ALG12: variants seen among roughly 807,000 people sequenced by gnomAD.
The protein encoded by ALG12 is dol-P-Man:Man(7)GlcNAc(2)-PP-Dol alpha-1,6-mannosyltransferase.
ALG12 carries 36 observed loss-of-function variants against 46.0 expected under a neutral mutation model. The observed-to-expected ratio is 0.78, with a 90% CI of 0.60 to 1.03. ALG12 has a LOEUF of 1.03. Among genes scored for constraint, ALG12 ranks in the 50% least tolerant of loss-of-function variants. The pLI, the probability that ALG12 is intolerant of heterozygous loss-of-function variation, is 0.00. For synonymous variants in ALG12, 326 were observed against 291.6 expected (o/e 1.12, Z -1.20); for missense variants, 599 against 633.5 (o/e 0.95, Z 0.58).
chr22:49,879,370 G>A, the ALG12 span, among the ~76,000 whole-genome samples: 47 of 151,744 alleles, frequency 3.1e-4, no homozygotes, highest in South Asian at 6.9e-3. Context: ...CGGTTGATCC[G>A]TCTGCCTCAT....
chr22:49,907,385 T>A (rs558827504), intron 7 of ALG12, among the ~76,000 whole-genome samples: 1 of 152,226 alleles, frequency 6.6e-6, no homozygotes, highest in Admixed American at 6.5e-5. Flanking sequence ...GTCAGCACAA[T>A]GCCAGGCCGG....
At chr22:49,877,629 A>G in the ALG12 span, among the ~76,000 whole-genome samples, 2 of 152,200 alleles carry the variant, frequency 1.3e-5, no homozygotes, top group East Asian at 1.9e-4. Context: ...TTGATATACA[A>G]TAAACACATA....
chr22:49,870,971 C>A, the ALG12 span, among the ~76,000 whole-genome samples: 1 of 145,966 alleles, frequency 6.9e-6, no homozygotes, highest in Non-Finnish European at 1.5e-5. Flanking sequence ...GATGGAGTCT[C>A]ACTCTGTTAC....
Position 49,903,733 on chromosome 22 carries a change from A to T in ALG12, c.*105T>A. The T allele has an allele frequency of 7.4e-7, 1 of 1,355,902 alleles. No homozygotes were observed. 84.0% of individuals were successfully genotyped at this position (1,355,902 alleles called of 1,614,324 possible). On this transcript the variant is annotated 3_prime_UTR_variant, in exon 10 of 10. Coordinates refer to ENST00000330817, the MANE Select transcript of ALG12 (RefSeq NM_024105.4). ...TCAGAGGCAGGTGCCCAGTCCTTTGACTTGCTTCTCTGAATTGTCATAATT... is the reference window on the plus strand; with the variant it reads ...TCAGAGGCAGGTGCCCAGTCCTTTGTCTTGCTTCTCTGAATTGTCATAATT...
At chr22:49,911,614 T>G (rs1430484869) in intron 3 of ALG12, among the ~76,000 whole-genome samples, 1 of 152,098 alleles carries the variant, frequency 6.6e-6, no homozygotes, top group Non-Finnish European at 1.5e-5. Context: ...TTTGTATTTT[T>G]AGTAGAGACA....
chr22:49,859,434 CCT>C, the ALG12 span, among the ~76,000 whole-genome samples: 2 of 152,056 alleles, frequency 1.3e-5, no homozygotes, highest in African/African-American at 4.8e-5. Flanking sequence ...CAAGCTGGCC[CCT>C]GTGTCCTTTT....
At chr22:49,887,097 C>T in the ALG12 span, 1 of 1,614,134 alleles carries the variant, frequency 6.2e-7, no homozygotes, top group East Asian at 2.2e-5. Flanking sequence ...GTAGCCTTGG[C>T]CAATCCAGGC....
the ALG12 span, among the ~76,000 whole-genome samples, chr22:49,867,863 C>G: frequency 6.6e-6 from 1 of 152,240 alleles, no homozygotes; most frequent in Non-Finnish European, 1.5e-5. Flanking sequence ...TCCAGCCCCC[C>G]TCAAATGTGC....
chr22:49,890,276 T>C, the ALG12 span, among the ~76,000 whole-genome samples: 5 of 152,122 alleles, frequency 3.3e-5, no homozygotes, highest in African/African-American at 1.2e-4. Flanking sequence ...CACTGCACTC[T>C]AGCCTGGACA....
In ALG12 at chr22:49,902,051, TAC is replaced by T. The variant is rs1359420412; in HGVS notation, c.*1785_*1786del. On this transcript the variant is annotated 3_prime_UTR_variant, in exon 10 of 10. Coordinates refer to ENST00000330817, the MANE Select transcript of ALG12 (RefSeq NM_024105.4). ...TGCACTGTGTGTATGCATGGTAACGTACACGTGTGCACTGTGTGTGGTGTGCA... is the reference window on the plus strand; with the variant it reads ...TGCACTGTGTGTATGCATGGTAACGTACGTGTGCACTGTGTGTGGTGTGCA... 1.5e-5 allele frequency: 2 copies of T among 131,090 alleles called. No homozygotes were observed. Among genetic ancestry groups the T allele is most frequent in the South Asian group, 2.4e-4 (1 of 4,212 alleles). The allele number at this position is 131,090 out of a possible 1,614,324, so 8.1% of individuals were successfully genotyped here.
rs768399493 is a variant in ALG12, at chr22:49,904,370, G to C, written c.1129C>G (p.Gln377Glu). 8.7e-6 allele frequency: 14 copies of C among 1,614,210 alleles called. No homozygotes were observed. In the South Asian group the frequency reaches 1.3e-4, roughly 15 times the overall value. ...GGGGGCACCAGCTGGTGCAGCCTCTGCATTGCGACGCCACCTGGGTAGTTG... is the reference window on the plus strand; with the variant it reads ...GGGGGCACCAGCTGGTGCAGCCTCTCCATTGCGACGCCACCTGGGTAGTTG... ...HFNYPGGVAM[Q>E]RLHQLVPPQT... Residue 377 changes from glutamine to glutamate, a missense_variant, in exon 8 of 10, where the codon CAG (glutamine) becomes GAG (glutamate). By Grantham distance (29) the Gln-to-Glu change is conservative. Coordinates refer to ENST00000330817, the MANE Select transcript of ALG12 (RefSeq NM_024105.4).
Position 49,904,494 on chromosome 22 carries a change from A to G in ALG12, c.1005T>C (p.Tyr335=), listed in dbSNP as rs1388764855. The change falls in exon 8 of 10, where the codon TAT becomes TAC. Residue 335 remains tyrosine, a synonymous_variant. Coordinates refer to ENST00000330817, the MANE Select transcript of ALG12 (RefSeq NM_024105.4). ...CCGCTTTGTACAGCCAAGACTTTTT[A>G]TAGTTATTCAGCCTGAAAAAAGAAT... is the stretch of plus-strand genomic sequence containing the variant. ...ARGCSYLLNN[Y]KKSWLYKAGS... The G allele has an allele frequency of 2.5e-6, 4 of 1,614,054 alleles. No individual in the cohort carries two copies. Among genetic ancestry groups the G allele is most frequent in the African/African-American group, 2.7e-5 (2 of 74,924 alleles).
chr22:49,896,812 A>T (rs1003976634), downstream of ALG12, among the ~76,000 whole-genome samples: 12 of 149,340 alleles, frequency 8.0e-5, no homozygotes, highest in African/African-American at 2.7e-4. Context: ...ATTTTTGTAT[A>T]TTTTTTTTTA....
the ALG12 span, among the ~76,000 whole-genome samples, chr22:49,894,757 ATG>A: frequency 1.3e-5 from 2 of 152,262 alleles, no homozygotes; most frequent in Non-Finnish European, 2.9e-5. Flanking sequence ...TTGTTCCAGA[ATG>A]TGTCCTGACT....
At chr22:49,885,845 T>C in the ALG12 span, 2 of 1,478,392 alleles carry the variant, frequency 1.4e-6, no homozygotes, top group Non-Finnish European at 1.9e-6. Flanking sequence ...AGTGGTGTGA[T>C]CCACTTCACG....
intron 1 of ALG12, among the ~76,000 whole-genome samples, chr22:49,914,463 A>G (rs1158686404): frequency 6.6e-6 from 1 of 152,232 alleles, no homozygotes; most frequent in Non-Finnish European, 1.5e-5. Context: ...AGGTGGCACC[A>G]CACTGGCCAT....
At chr22:49,899,381 G>A (rs2060495101), downstream of ALG12, among the ~76,000 whole-genome samples, 1 of 152,018 alleles carries the variant, frequency 6.6e-6, no homozygotes, top group Non-Finnish European at 1.5e-5. Flanking sequence ...GGGAGGCTGA[G>A]GCAGGAGAAT....
chr22:49,885,574 G>T, the ALG12 span: 14 of 1,602,982 alleles, frequency 8.7e-6, no homozygotes, highest in African/African-American at 1.6e-4. Context: ...ATTATCAGGC[G>T]CTTCCTCTTT....
chr22:49,862,825 C>T, the ALG12 span, among the ~76,000 whole-genome samples: 3 of 148,964 alleles, frequency 2.0e-5, no homozygotes, highest in South Asian at 6.4e-4. Context: ...CCTCAGTTTC[C>T]TGAGTAACTG....
Sources: gnomAD v4.1 joint callset for allele counts (sites outside exome capture counted in the v4.1 genomes callset) on GRCh38, gnomAD v4.1.1 for gene constraint, MANE v1.5 for transcripts, NCBI Gene and HGNC (gene_info 2026-07-23, HGNC 2026-07-21) for gene names.